Variants in EYS observed in about 807,000 individuals in gnomAD.
The protein encoded by EYS is protein eyes shut homolog.
Under a neutral mutation model 282.1 loss-of-function variants are expected in EYS, and 250 were observed. The observed-to-expected ratio is 0.89, with a 90% CI of 0.80 to 0.98. The LOEUF is 0.98. Ranked by LOEUF, EYS falls within the 50% of genes least tolerant of loss-of-function variation. The probability of loss-of-function intolerance (pLI) is 0.00; values close to 1 mark genes in which losing one functional copy is unlikely to be tolerated. For missense variants in EYS, 4,016 were observed against 3,709.0 expected (o/e 1.08, Z -2.15); for synonymous variants, 1,355 against 1,282.9 (o/e 1.06, Z -1.20).
intron 5 of EYS, among the ~76,000 whole-genome samples, chr6:65,428,386 A>G (rs900295607): frequency 2.6e-5 from 4 of 152,190 alleles, no homozygotes; most frequent in African/African-American, 9.6e-5. Flanking sequence ...ATTTCATAAT[A>G]ATTACATCAA....
chr6:64,571,049 G>A (rs114358516), intron 26 of EYS, among the ~76,000 whole-genome samples: 4,008 of 152,070 alleles, frequency 0.026, 111 homozygotes, highest in East Asian at 0.11. Flanking sequence ...TCCTCAGCAA[G>A]TGGAAAACAA....
intron 40 of EYS, among the ~76,000 whole-genome samples, chr6:63,766,505 A>T (rs1020991495): frequency 6.6e-6 from 1 of 152,064 alleles, no homozygotes; most frequent in African/African-American, 2.4e-5. Context: ...CCTGAATAGG[A>T]AAATTGCTGT....
chr6:64,668,813 C>T (rs558922089), intron 22 of EYS, among the ~76,000 whole-genome samples: 39 of 151,842 alleles, frequency 2.6e-4, no homozygotes, highest in South Asian at 1.5e-3. Context: ...GTGATCCACC[C>T]GCCTCAGCCT....
intron 24 of EYS, among the ~76,000 whole-genome samples, chr6:64,605,750 A>G (rs1358266863): frequency 6.6e-6 from 1 of 151,878 alleles, no homozygotes. Context: ...CTTTCCTACT[A>G]TTTTGGTAAG....
intron 1 of EYS, among the ~76,000 whole-genome samples, chr6:65,664,592 A>T (rs951533005): frequency 1.3e-5 from 2 of 152,174 alleles, no homozygotes; most frequent in Non-Finnish European, 2.9e-5. Flanking sequence ...AGTATATATG[A>T]GAAAGTTGCT....
At chr6:64,835,454 C>G (rs929024424) in intron 19 of EYS, among the ~76,000 whole-genome samples, 33 of 148,174 alleles carry the variant, frequency 2.2e-4, no homozygotes, top group African/African-American at 7.7e-4. Flanking sequence ...AACACAGTCA[C>G]TAATTAGCAT....
At chr6:65,347,376 T>C (rs996710312) in intron 9 of EYS, among the ~76,000 whole-genome samples, 1 of 151,814 alleles carries the variant, frequency 6.6e-6, no homozygotes, top group Admixed American at 6.6e-5. Flanking sequence ...TTCTAAGTTA[T>C]TGATATATTC....
rs1242528021 is a variant in EYS, at chr6:64,637,807, A to G, written c.3444-11562T>C. ...ATAGCTGGTGGATGCTGGTCTTAAT[A>G]CCTAGGTCATGGGTTGATCTGTGTA... On this transcript the variant is annotated intron_variant, in intron 22 of 42. Transcript: ENST00000503581. Among the ~76,000 whole-genome samples the G allele has an allele frequency of 4.4e-5, 4 of 90,140 alleles. 2 individuals carry two copies. The highest frequency in any genetic ancestry group is 9.5e-5 in the Non-Finnish European group (4 of 41,958). The allele number at this position is 90,140 out of a possible 152,430, so 59.1% of individuals were successfully genotyped here.
At chr6:65,347,295 G>T (rs1038510326) in intron 9 of EYS, among the ~76,000 whole-genome samples, 2 of 151,652 alleles carry the variant, frequency 1.3e-5, no homozygotes, top group Non-Finnish European at 3.0e-5. Flanking sequence ...TACTCTCTGT[G>T]TCTTCGTATG....
intron 31 of EYS, among the ~76,000 whole-genome samples, chr6:64,121,885 A>G (rs1209038104): frequency 6.6e-6 from 1 of 152,210 alleles, no homozygotes; most frequent in East Asian, 1.9e-4. Flanking sequence ...ATCTATAGAC[A>G]GGGCTTAGTC....
At position 65,619,907 on chromosome 6, in the gene EYS, C is replaced by T. The variant is rs1286189776; in HGVS notation, c.-333+19871G>A. On this transcript the variant is annotated intron_variant, in intron 2 of 42. Coordinates refer to ENST00000503581, the MANE Select transcript of EYS (RefSeq NM_001142800.2). ...CCTTGCATCCCAGGGATGAAGCCCA[C>T]TTGATCATGGTGGATAAGCTTTTTG... is the stretch of plus-strand genomic sequence containing the variant. Among the ~76,000 whole-genome samples, 263 of 151,146 alleles carry T rather than the reference C, an allele frequency of 1.7e-3. 1 individual carries two copies. Among genetic ancestry groups the T allele is most frequent in the African/African-American group, 6.1e-3 (254 of 41,478 alleles).
intron 33 of EYS, among the ~76,000 whole-genome samples, chr6:64,065,355 G>C (rs1771326358): frequency 6.6e-6 from 1 of 152,244 alleles, no homozygotes; most frequent in Non-Finnish European, 1.5e-5. Context: ...ATGACATAGA[G>C]TAACTTTGGA....
intron 22 of EYS, among the ~76,000 whole-genome samples, chr6:64,808,372 A>G (rs1764500141): frequency 6.6e-6 from 1 of 152,110 alleles, no homozygotes. Flanking sequence ...ATAGTTATAT[A>G]ACAGCAATAA....
At chr6:65,159,024 G>A (rs1764791259) in intron 12 of EYS, among the ~76,000 whole-genome samples, 1 of 150,842 alleles carries the variant, frequency 6.6e-6, no homozygotes, top group African/African-American at 2.4e-5. Flanking sequence ...TTAATAGTGA[G>A]AACATGCCAC....
chr6:64,778,426 A>G (rs2149991471), intron 22 of EYS, among the ~76,000 whole-genome samples: 1 of 152,304 alleles, frequency 6.6e-6, no homozygotes, highest in African/African-American at 2.4e-5. Context: ...AGGGTTATGC[A>G]AACAATAGGG....
intron 12 of EYS, among the ~76,000 whole-genome samples, chr6:65,164,100 A>T (rs1295209284): frequency 6.6e-6 from 1 of 151,384 alleles, no homozygotes; most frequent in Non-Finnish European, 1.5e-5. Context: ...ATATTAACTG[A>T]AATAATTGTG....
intron 30 of EYS, among the ~76,000 whole-genome samples, chr6:64,256,827 C>T (rs753369560): frequency 6.6e-6 from 1 of 151,968 alleles, no homozygotes; most frequent in African/African-American, 2.4e-5. Flanking sequence ...TATATGCCCA[C>T]GAGAGGCAGA....
intron 18 of EYS, among the ~76,000 whole-genome samples, chr6:64,892,804 T>C (rs1156539708): frequency 1.3e-5 from 2 of 152,110 alleles, no homozygotes; most frequent in African/African-American, 2.4e-5. Context: ...ATCATTCGGA[T>C]TGATGACTGT....
intron 5 of EYS, among the ~76,000 whole-genome samples, chr6:65,464,494 A>G (rs1483139259): frequency 2.0e-5 from 3 of 152,192 alleles, no homozygotes; most frequent in East Asian, 3.8e-4. Flanking sequence ...CTAAATGCCA[A>G]AGTTGAATCT....
Sources: allele counts gnomAD v4.1 joint callset (sites outside exome capture counted in the v4.1 genomes callset), GRCh38; gene constraint gnomAD v4.1.1; transcripts MANE v1.5; gene names NCBI Gene and HGNC (gene_info 2026-07-23, HGNC 2026-07-21).